ATG7: variants seen among roughly 807,000 people sequenced by gnomAD.
ATG7 encodes ubiquitin-like modifier-activating enzyme ATG7.
In ATG7, 70 loss-of-function variants were observed where a neutral mutation model predicts 82.4. The ratio of observed to expected loss-of-function variants is 0.85; its 90% CI spans 0.70 to 1.04. The LOEUF (loss-of-function observed/expected upper bound fraction) is 1.04, where lower values mean the gene tolerates loss of function less well. Ranked by LOEUF, ATG7 falls within the 50% of genes least tolerant of loss-of-function variation. ATG7 has a pLI of 0.00. For missense variants in ATG7, 792 were observed against 864.3 expected (o/e 0.92, Z 1.05); for synonymous variants, 287 against 313.0 (o/e 0.92, Z 0.88).
chr3:11,465,656 T>C (rs2086759202), intron 20 of ATG7, among the ~76,000 whole-genome samples: 1 of 151,756 alleles, frequency 6.6e-6, no homozygotes, highest in Non-Finnish European at 1.5e-5. Context: ...TCCTAGCTAC[T>C]TGGAGAACTG....
At chr3:11,502,396 C>T (rs2091402457) in intron 20 of ATG7, among the ~76,000 whole-genome samples, 1 of 119,860 alleles carries the variant, frequency 8.3e-6, no homozygotes, top group Non-Finnish European at 1.7e-5. Context: ...CACAACAGTC[C>T]CCAGAGTGTG....
chr3:11,336,967 G>A (rs764903454), intron 11 of ATG7, among the ~76,000 whole-genome samples: 3 of 152,066 alleles, frequency 2.0e-5, no homozygotes, highest in Admixed American at 6.6e-5. Context: ...GCTACCTTGC[G>A]CAGTCGAGGA....
At position 11,342,121 on chromosome 3, in the gene ATG7, C is replaced by T. The variant is rs751056009; in HGVS notation, c.981-14C>T. The T allele has an allele frequency of 1.2e-6, 2 of 1,604,252 alleles. No individual in the cohort carries two copies. The highest frequency in any genetic ancestry group is 2.2e-5 in the South Asian group (2 of 89,594). ...TAAAGGAGTGACTGAATAAGTAAAT[C>T]TCTCCTTTTCTAGGTTAGCTGAGTC... is the stretch of plus-strand genomic sequence containing the variant. On this transcript the variant is annotated splice_polypyrimidine_tract_variant and intron_variant, in intron 12 of 20. Coordinates refer to ENST00000693202, the MANE Select transcript of ATG7 (RefSeq NM_001349232.2).
At chr3:11,531,122 A>G (rs1003698234) in intron 20 of ATG7, among the ~76,000 whole-genome samples, 3 of 152,214 alleles carry the variant, frequency 2.0e-5, no homozygotes, top group Admixed American at 1.3e-4. Context: ...GCTGAGGCAC[A>G]GAGAAGTTAT....
At position 11,555,162 on chromosome 3, in the gene ATG7, AG is replaced by A. The variant is rs2072284717; in HGVS notation, c.*324del. On this transcript the variant is annotated 3_prime_UTR_variant, in exon 21 of 21. Coordinates refer to ENST00000693202, the MANE Select transcript of ATG7 (RefSeq NM_001349232.2). ...CCAGGATCCTTTCCCCTTGGCCCTG[AG>A]GGGGTGACCCAACACAGACCAAATG... 1 of 383,532 alleles carries A rather than the reference AG, an allele frequency of 2.6e-6. No individual in the cohort carries two copies. The allele number at this position is 383,532 out of a possible 1,614,324, so 23.8% of individuals were successfully genotyped here. A position where few individuals can be genotyped will look rare whatever the true frequency, so the allele number is the denominator to read the frequency against.
intron 18 of ATG7, among the ~76,000 whole-genome samples, chr3:11,373,523 A>T (rs970408756): frequency 2.6e-5 from 4 of 152,142 alleles, no homozygotes; most frequent in Admixed American, 2.6e-4. Flanking sequence ...CTTTCCCCAG[A>T]CCTTTTGAAT....
rs535704837 is a variant in ATG7, at chr3:11,363,603, G to A, written c.1799+675G>A. Among the ~76,000 whole-genome samples the A allele has an allele frequency of 1.4e-4, 22 of 152,250 alleles. No homozygotes were observed. In the South Asian group the frequency reaches 3.5e-3, roughly 24 times the overall value. On this transcript the variant is annotated intron_variant, in intron 17 of 20. Coordinates refer to ENST00000693202, the MANE Select transcript of ATG7 (RefSeq NM_001349232.2). ...TAGGAAAGAACTATTATTATTAGTC[G>A]CAGTTTTGATGGGGAAATCAAGGCA...
At chr3:11,443,787 C>T (rs1022787072) in intron 20 of ATG7, among the ~76,000 whole-genome samples, 55 of 151,896 alleles carry the variant, frequency 3.6e-4, no homozygotes, top group Admixed American at 4.6e-4. Flanking sequence ...AAGAAAATTT[C>T]CCCCCCTGCT....
intron 7 of ATG7, among the ~76,000 whole-genome samples, chr3:11,310,206 A>G (rs549797365): frequency 2.7e-4 from 41 of 152,252 alleles, no homozygotes; most frequent in African/African-American, 8.9e-4. Flanking sequence ...AATATATAAT[A>G]TTAGCCATAT....
intron 20 of ATG7, chr3:11,446,761 G>A: frequency 4.5e-6 from 1 of 221,444 alleles, no homozygotes; most frequent in South Asian, 5.1e-5. Flanking sequence ...TGGAACCAAG[G>A]CACAGTCAAG....
At chr3:11,428,986 G>A (rs1010376766) in intron 20 of ATG7, among the ~76,000 whole-genome samples, 1 of 152,194 alleles carries the variant, frequency 6.6e-6, no homozygotes, top group Non-Finnish European at 1.5e-5. Context: ...AATAGATGGT[G>A]GAGCAGAAGG....
rs144893212 is a variant in ATG7 at position 11,504,918 on chromosome 3, G to A, written c.2080-49893G>A. 1.2e-3 allele frequency among the ~76,000 whole-genome samples: 188 copies of A among 152,298 alleles called. 1 individual carries two copies. Among genetic ancestry groups the A allele is most frequent in the African/African-American group, 4.2e-3 (176 of 41,568 alleles). On this transcript the variant is annotated intron_variant, in intron 20 of 20. Transcript: ENST00000693202. ...AGGGAGGCAAGAGTTTGCCATGACA[G>A]GGGTAAGGGGGCTCACAGCAGTGAA... is the stretch of plus-strand genomic sequence containing the variant.
chr3:11,277,962 G>T (rs111322650), intron 1 of ATG7, among the ~76,000 whole-genome samples: 2,889 of 133,478 alleles, frequency 0.022, 98 homozygotes, highest in East Asian at 0.073. Context: ...GCTAGGAAAA[G>T]AATTTAGTGA....
At chr3:11,307,765 C>A (rs970111393) in intron 6 of ATG7, among the ~76,000 whole-genome samples, 1 of 152,164 alleles carries the variant, frequency 6.6e-6, no homozygotes, top group African/African-American at 2.4e-5. Flanking sequence ...CCTGTCTAAC[C>A]GCTGTAATCA....
At chr3:11,481,712 G>A (rs2088999897) in intron 20 of ATG7, among the ~76,000 whole-genome samples, 1 of 152,166 alleles carries the variant, frequency 6.6e-6, no homozygotes, top group Non-Finnish European at 1.5e-5. Context: ...GGAGCACAGG[G>A]CTTCAGCTCC....
intron 20 of ATG7, among the ~76,000 whole-genome samples, chr3:11,485,847 G>C (rs1324532672): frequency 2.0e-5 from 3 of 152,162 alleles, no homozygotes; most frequent in East Asian, 3.9e-4. Context: ...AGATCAGATA[G>C]TTGTAGATAT....
intron 9 of ATG7, among the ~76,000 whole-genome samples, 173 bp from the exon 10 acceptor site, chr3:11,331,167 A>C (rs920074739): frequency 2.6e-5 from 4 of 152,198 alleles, no homozygotes; most frequent in Admixed American, 6.5e-5. Context: ...GAAGTTCTGT[A>C]GTGCAGTGTG....
intron 20 of ATG7, among the ~76,000 whole-genome samples, chr3:11,494,345 T>A (rs2090640586): frequency 6.6e-6 from 1 of 152,216 alleles, no homozygotes; most frequent in Admixed American, 6.5e-5. Context: ...ATTGTCCAGC[T>A]GTAATTATCA....
In ATG7 at chr3:11,319,460, T is replaced by C. The variant is rs866948953; in HGVS notation, c.678+3967T>C. Among the ~76,000 whole-genome samples the C allele has an allele frequency of 8.5e-5, 13 of 152,206 alleles. 1 individual carries two copies. In the South Asian group the frequency reaches 2.1e-3, roughly 24 times the overall value. On this transcript the variant is annotated intron_variant, in intron 9 of 20. Transcript: ENST00000693202. The stretch of plus-strand genomic sequence containing the variant: ...GAGCCCTGTGTCCTCATGTGTAGGA[T>C]GGAGAAATGTTGGAATCCCTCTGAG...
Sources: allele counts gnomAD v4.1 joint callset (sites outside exome capture counted in the v4.1 genomes callset), GRCh38; gene constraint gnomAD v4.1.1; transcripts MANE v1.5; gene names NCBI Gene and HGNC (gene_info 2026-07-23, HGNC 2026-07-21).